Variants in DNM2 observed in about 807,000 individuals in gnomAD.
DNM2 encodes the protein dynamin 2.
A neutral mutation model predicts 99.0 loss-of-function variants in DNM2; 15 were observed. The ratio of observed to expected loss-of-function variants is 0.15; its 90% CI spans 0.10 to 0.23. DNM2 has a LOEUF of 0.23. Among genes scored for constraint, DNM2 ranks in the 10% least tolerant of loss-of-function variants. DNM2 has a pLI of 1.00. For synonymous variants in DNM2, 525 were observed against 481.2 expected, an observed-to-expected ratio of 1.09 and a Z score of -1.19; for missense variants, 742 against 1,189.4, an observed-to-expected ratio of 0.62 and a Z score of 5.53.
At chr19:10,770,354 C>T (rs1016262749) in intron 2 of DNM2, among the ~76,000 whole-genome samples, 7 of 152,212 alleles carry the variant, frequency 4.6e-5, no homozygotes, top group African/African-American at 9.6e-5. Flanking sequence ...TTCGCATCTC[C>T]GGGGTGGGTC....
At chr19:10,747,700 C>T (rs540521918) in intron 1 of DNM2, among the ~76,000 whole-genome samples, 2 of 152,268 alleles carry the variant, frequency 1.3e-5, no homozygotes, top group South Asian at 2.1e-4. Flanking sequence ...GGGGCCGATA[C>T]GGGACCCTGC....
chr19:10,797,769 C>T (rs1046313675), intron 10 of DNM2, among the ~76,000 whole-genome samples: 1 of 152,096 alleles, frequency 6.6e-6, no homozygotes, highest in African/African-American at 2.4e-5. Context: ...TAAGCAGTGC[C>T]CTTTCCTGGA....
chr19:10,808,510 CT>C, intron 13 of DNM2, 58 bp from the exon 14 acceptor site: 1 of 1,597,918 alleles, frequency 6.3e-7, no homozygotes, highest in Non-Finnish European at 8.5e-7. Context: ...CCTTCCATCT[CT>C]TTTCCTTTGC....
At position 10,746,727 on chromosome 19, in the gene DNM2, G is replaced by GTTTTTTTTTTTTTTTT. The variant is rs757494612; in HGVS notation, c.162-13005_162-13004insTTTTTTTTTTTTTTTT. Among the ~76,000 whole-genome samples, 2 of 116,208 alleles carry GTTTTTTTTTTTTTTTT rather than the reference G, an allele frequency of 1.7e-5. 1 individual carries two copies. Among genetic ancestry groups the GTTTTTTTTTTTTTTTT allele is most frequent in the Admixed American group, 2.0e-4 (2 of 9,762 alleles). The allele number at this position is 116,208 out of a possible 152,430, so 76.2% of individuals were successfully genotyped here. On this transcript the variant is annotated intron_variant, in intron 1 of 20. Coordinates refer to ENST00000389253, the MANE Select transcript of DNM2 (RefSeq NM_001005361.3). ...GAGCAACCGTGCCGGCTTTTTTTTT[G>GTTTTTTTTTTTTTTTT]TTTTTTGTTTTTTTTTTTTTTGAGA...
intron 14 of DNM2, chr19:10,808,788 G>A (rs552199735): frequency 3.3e-5 from 17 of 508,308 alleles, no homozygotes; most frequent in African/African-American, 2.5e-4. Flanking sequence ...TAACTGGACC[G>A]CCACCCTTGA....
chr19:10,723,060 A>C (rs979761421), intron 1 of DNM2, among the ~76,000 whole-genome samples: 8 of 139,470 alleles, frequency 5.7e-5, no homozygotes, highest in African/African-American at 2.2e-4. Context: ...TCGCCTCCTG[A>C]GTTCAAGTGA....
intron 1 of DNM2, among the ~76,000 whole-genome samples, chr19:10,720,357 C>T (rs984295745): frequency 4.6e-5 from 7 of 151,594 alleles, no homozygotes; most frequent in Non-Finnish European, 8.8e-5. Context: ...GGATTACAGG[C>T]GTCTACCACC....
At chr19:10,747,548 G>A (rs1399780967) in intron 1 of DNM2, among the ~76,000 whole-genome samples, 4 of 152,158 alleles carry the variant, frequency 2.6e-5, no homozygotes, top group Non-Finnish European at 5.9e-5. Flanking sequence ...GGAATGTTGG[G>A]GAGGAGTGAG....
At chr19:10,786,484 T>C (rs1186959149) in intron 6 of DNM2, 80 bp from the exon 7 acceptor site, 27 of 1,607,124 alleles carry the variant, frequency 1.7e-5, no homozygotes, top group Non-Finnish European at 2.3e-5. Flanking sequence ...GTGTTGGCCC[T>C]TGGTTGGGGG....
rs142828931 is a variant in DNM2, at chr19:10,818,511, C to T, written c.1672-1469C>T. Among the ~76,000 whole-genome samples the T allele has an allele frequency of 6.6e-6, 1 of 152,240 alleles. No individual in the cohort carries two copies. Among genetic ancestry groups the T allele is most frequent in the South Asian group, 2.1e-4 (1 of 4,836 alleles). ...GGCACACGGCCAGGAAAGGGCAGGG[C>T]TGGCATCACCTCAACCATGCTGAGC... On this transcript the variant is annotated intron_variant, in intron 15 of 20. Coordinates refer to ENST00000389253, the MANE Select transcript of DNM2 (RefSeq NM_001005361.3). The surrounding 1 kb of genome is among the most constrained non-coding windows in gnomAD (Gnocchi z 4.3).
intron 16 of DNM2, among the ~76,000 whole-genome samples, chr19:10,822,409 T>TC (rs2073005045): frequency 1.3e-5 from 2 of 151,922 alleles, no homozygotes; most frequent in Admixed American, 6.6e-5. Flanking sequence ...CAGGCTGGTC[T>TC]CCAACTCCTG....
At chr19:10,720,508 T>C (rs1374170876) in intron 1 of DNM2, among the ~76,000 whole-genome samples, 2 of 151,980 alleles carry the variant, frequency 1.3e-5, no homozygotes, top group Non-Finnish European at 2.9e-5. Flanking sequence ...CCACCAAGCC[T>C]CGCCCCAGGA....
At chr19:10,770,923 G>A (rs1378400225) in intron 2 of DNM2, among the ~76,000 whole-genome samples, 2 of 152,182 alleles carry the variant, frequency 1.3e-5, no homozygotes, top group African/African-American at 2.4e-5. Flanking sequence ...CTCCCAAGTA[G>A]CTGGAACTAC....
rs1724207808 is a variant in DNM2, at chr19:10,775,795, A to T, written c.478A>T (p.Ile160Phe). The T allele has an allele frequency of 6.2e-7, 1 of 1,614,092 alleles. No homozygotes were observed. The highest frequency in any genetic ancestry group is 8.5e-7 in the Non-Finnish European group (1 of 1,180,024). The change falls in exon 4 of 21, where the codon ATC becomes TTC. Residue 160 changes from isoleucine (I) to phenylalanine (F), a missense_variant. Physicochemically the swap from Ile to Phe is conservative, Grantham distance 21. Around this residue, in one of 7 missense-constraint regions of DNM2, gnomAD observed 192 missense variants for 358.9 expected, o/e 0.54. Transcript: ENST00000389253. This position sits in a 1 kb window ranked among gnomAD's most constrained non-coding sequence, Gnocchi z 4.3. ...PDIEYQIKDM[I>F]LQFISRESSL... Reference sequence around the variant, plus strand: ...CATCGAGTACCAGATCAAGGACATGATCCTGCAGTTCATCAGCCGGGAGAG... The same window carrying T: ...CATCGAGTACCAGATCAAGGACATGTTCCTGCAGTTCATCAGCCGGGAGAG...
intron 1 of DNM2, among the ~76,000 whole-genome samples, chr19:10,758,395 C>CTCCT (rs1568282897): frequency 1.1e-5 from 1 of 90,092 alleles, no homozygotes; most frequent in African/African-American, 4.1e-5. Flanking sequence ...CCTTCCTTCC[C>CTCCT]TCCTTCCTTC....
intron 15 of DNM2, among the ~76,000 whole-genome samples, chr19:10,814,117 G>A (rs563259783): frequency 9.9e-5 from 15 of 151,790 alleles, no homozygotes; most frequent in Non-Finnish European, 1.6e-4. Flanking sequence ...GCAGGGAGCC[G>A]AGATGGTGCC....
chr19:10,831,220 A>G lies in DNM2; in HGVS notation c.*173A>G. 7.2e-7 allele frequency: 1 copy of G among 1,383,670 alleles called. No individual in the cohort carries two copies. The highest frequency in any genetic ancestry group is 9.3e-7 in the Non-Finnish European group (1 of 1,073,262). 85.7% of individuals were successfully genotyped at this position (1,383,670 alleles called of 1,614,324 possible). A position where few individuals can be genotyped will look rare whatever the true frequency, so the allele number is the denominator to read the frequency against. On this transcript the variant is annotated 3_prime_UTR_variant, in exon 21 of 21. Coordinates refer to ENST00000389253, the MANE Select transcript of DNM2 (RefSeq NM_001005361.3). This position sits in a 1 kb window ranked among gnomAD's most constrained non-coding sequence, Gnocchi z 4.3. ...GGCCGGCCCCTGTGCCTGGCTGGAC[A>G]CCGCACTGCGCAAAGGGGCCCTGGA...
At chr19:10,798,388 A>G in intron 10 of DNM2, 98 bp from the exon 11 acceptor site, 1 of 877,388 alleles carries the variant, frequency 1.1e-6, no homozygotes, top group South Asian at 1.4e-5. Flanking sequence ...CTCATATCTC[A>G]TTCCCCACCC....
At chr19:10,770,616 C>T (rs573397317) in intron 2 of DNM2, among the ~76,000 whole-genome samples, 2 of 152,250 alleles carry the variant, frequency 1.3e-5, no homozygotes, top group South Asian at 2.1e-4. Context: ...AATGGAGTTA[C>T]AGTTCCACAC....
Sources: gnomAD v4.1 joint callset for allele counts (sites outside exome capture counted in the v4.1 genomes callset) on GRCh38, gnomAD v4.1.1 for gene constraint, gnomAD v4.1.1 regional missense constraint, Gnocchi (gnomAD v3.1) non-coding constraint, MANE v1.5 for transcripts, NCBI Gene and HGNC (gene_info 2026-07-23, HGNC 2026-07-21) for gene names.